Variants in MAPK10 observed in about 807,000 individuals in gnomAD.
MAPK10 encodes the protein mitogen-activated protein kinase 10.
Under a neutral mutation model 59.3 loss-of-function variants are expected in MAPK10, and 25 were observed. The ratio of observed to expected loss-of-function variants is 0.42; its 90% CI spans 0.31 to 0.59. The LOEUF (loss-of-function observed/expected upper bound fraction) is 0.59. Among genes scored for constraint, MAPK10 ranks in the 20% least tolerant of loss-of-function variants. The pLI is 0.15. For missense variants in MAPK10, 351 were observed against 568.9 expected (o/e 0.62, Z 3.90); for synonymous variants, 190 against 200.5 (o/e 0.95, Z 0.44).
chr4:86,380,706 A>C (rs1030048841), intron 1 of MAPK10, among the ~76,000 whole-genome samples: 1 of 152,346 alleles, frequency 6.6e-6, no homozygotes, highest in South Asian at 2.1e-4. Flanking sequence ...GCATGTTTAC[A>C]TTTGTACCAT....
chr4:86,229,717 G>GA (rs56738965), intron 2 of MAPK10, among the ~76,000 whole-genome samples: 34,364 of 150,108 alleles, frequency 0.23, 4,595 homozygotes, highest in African/African-American at 0.37. Flanking sequence ...TTTATTTTAT[G>GA]AAAAAAAAAA....
chr4:86,359,664 G>T lies in MAPK10; in HGVS notation c.-128C>A. On this transcript the variant is annotated 5_prime_UTR_variant, in exon 1 of 14. Transcript: ENST00000641462. ...CGAGCAAAGAGCCACCTACCATTCC[G>T]TGCCTGAGAACTACGATCCTGATCC... 7 of 985,658 alleles carry T rather than the reference G, an allele frequency of 7.1e-6. No homozygotes were observed. Among genetic ancestry groups the T allele is most frequent in the Non-Finnish European group, 8.4e-6 (7 of 829,878 alleles). 61.1% of individuals were successfully genotyped at this position (985,658 alleles called of 1,614,324 possible).
At chr4:86,286,584 A>C (rs931954780) in intron 2 of MAPK10, among the ~76,000 whole-genome samples, 8 of 152,146 alleles carry the variant, frequency 5.3e-5, no homozygotes, top group African/African-American at 1.9e-4. Flanking sequence ...AGGCAGAGAG[A>C]AGTGAGGAAA....
chr4:86,192,673 T>C (rs1242656292), intron 3 of MAPK10: 1 of 152,096 alleles, frequency 6.6e-6, no homozygotes, highest in Non-Finnish European at 1.5e-5. Context: ...GGAATTCCTT[T>C]AACCTTTTTT....
chr4:86,034,610 A>C (rs1477681986), intron 11 of MAPK10, among the ~76,000 whole-genome samples: 1 of 152,212 alleles, frequency 6.6e-6, no homozygotes, highest in African/African-American at 2.4e-5. Flanking sequence ...AAAATTGAAT[A>C]AGGTGACTGC....
At chr4:86,513,451 G>A (rs952122295) in intron 1 of MAPK10, among the ~76,000 whole-genome samples, 3 of 152,128 alleles carry the variant, frequency 2.0e-5, no homozygotes, top group African/African-American at 7.2e-5. Context: ...GATATTAGAT[G>A]ACAAAATTGC....
At chr4:86,089,312 C>A in intron 9 of MAPK10, 4 of 1,398,114 alleles carry the variant, frequency 2.9e-6, no homozygotes, top group Non-Finnish European at 4.1e-6. Context: ...TAAACAAGAA[C>A]ACAGGAATAG....
chr4:86,111,544 T>G (rs1238671134), intron 4 of MAPK10, among the ~76,000 whole-genome samples: 2 of 152,240 alleles, frequency 1.3e-5, no homozygotes, highest in Admixed American at 6.5e-5. Context: ...GATTTGCGTA[T>G]GTTAAACCAG....
At chr4:86,205,087 T>A (rs1009778453) in intron 2 of MAPK10, among the ~76,000 whole-genome samples, 4 of 151,964 alleles carry the variant, frequency 2.6e-5, no homozygotes, top group Non-Finnish European at 5.9e-5. Flanking sequence ...AGCTATAAGC[T>A]ATCATGACTA....
At chr4:86,487,386 G>GTGT (rs1436637468) in intron 1 of MAPK10, among the ~76,000 whole-genome samples, 5 of 73,276 alleles carry the variant, frequency 6.8e-5, no homozygotes, top group African/African-American at 1.6e-4. Flanking sequence ...TGTGTGTGTA[G>GTGT]AGAGAGAAAG....
chr4:86,020,995 G>A (rs955521488), intron 13 of MAPK10: 15 of 152,328 alleles, frequency 9.8e-5, no homozygotes, highest in African/African-American at 3.6e-4. Context: ...TGGTAGAGCC[G>A]AGTGGCCTGT....
intron 1 of MAPK10, among the ~76,000 whole-genome samples, chr4:86,406,703 G>A (rs1161725862): frequency 6.6e-6 from 1 of 152,208 alleles, no homozygotes; most frequent in African/African-American, 2.4e-5. Context: ...GCCAGCAAAA[G>A]AGACATGGGG....
At chr4:86,527,221 A>G (rs1393567988) in intron 1 of MAPK10, among the ~76,000 whole-genome samples, 1 of 144,974 alleles carries the variant, frequency 6.9e-6, no homozygotes, top group African/African-American at 2.6e-5. Context: ...CTGAGATGGG[A>G]GGATCACTTG....
At chr4:86,320,686 C>T (rs1047143975) in intron 2 of MAPK10, among the ~76,000 whole-genome samples, 2 of 152,274 alleles carry the variant, frequency 1.3e-5, no homozygotes, top group South Asian at 4.1e-4. Context: ...TCAATTTTGG[C>T]TTTTGTTGCC....
At chr4:86,406,319 C>T (rs1178337293) in intron 1 of MAPK10, among the ~76,000 whole-genome samples, 2 of 152,140 alleles carry the variant, frequency 1.3e-5, no homozygotes, top group South Asian at 2.1e-4. Flanking sequence ...GGAATTGAGA[C>T]CAGTTATTCC....
intron 11 of MAPK10, among the ~76,000 whole-genome samples, chr4:86,046,386 T>C (rs1464424979): frequency 2.6e-5 from 4 of 151,742 alleles, no homozygotes; most frequent in Non-Finnish European, 5.9e-5. Flanking sequence ...TTGTGCTGGT[T>C]TTCAAAGGGA....
intron 13 of MAPK10, among the ~76,000 whole-genome samples, chr4:86,019,686 G>A (rs1410331793): frequency 2.0e-5 from 3 of 152,008 alleles, no homozygotes; most frequent in African/African-American, 4.8e-5. Flanking sequence ...TCACTATGAT[G>A]GACTCCTCAG....
At chr4:86,574,438 G>A (rs1761713689) in intron 1 of MAPK10, among the ~76,000 whole-genome samples, 1 of 151,452 alleles carries the variant, frequency 6.6e-6, no homozygotes, top group Admixed American at 6.6e-5. Context: ...GGATGGCTGG[G>A]TCAAATGGTA....
intron 9 of MAPK10, chr4:86,091,235 GTTTA>G (rs1029594433): frequency 1.1e-4 from 17 of 151,142 alleles, no homozygotes; most frequent in South Asian, 2.1e-4. Flanking sequence ...TTTGGAAAAG[GTTTA>G]TTTATTTTAA....
Sources: gnomAD v4.1 joint callset for allele counts (sites outside exome capture counted in the v4.1 genomes callset) on GRCh38, gnomAD v4.1.1 for gene constraint, MANE v1.5 for transcripts, NCBI Gene and HGNC (gene_info 2026-07-23, HGNC 2026-07-21) for gene names.